Variants in CSMD1 observed in about 807,000 individuals in gnomAD.
The protein encoded by CSMD1 is CUB and sushi domain-containing protein 1.
A neutral mutation model predicts 417.5 loss-of-function variants in CSMD1; 213 were observed. The ratio of observed to expected loss-of-function variants is 0.51; its 90% CI spans 0.46 to 0.57. The LOEUF (loss-of-function observed/expected upper bound fraction) is 0.57. CSMD1 is among the 20% of genes least tolerant of loss of function. The pLI, the probability that CSMD1 is intolerant of heterozygous loss-of-function variation, is 0.00. For missense variants in CSMD1, 6,923 were observed against 4,529.7 expected, an observed-to-expected ratio of 1.53 and a Z score of -15.17; for synonymous variants, 2,862 against 1,736.8, an observed-to-expected ratio of 1.65 and a Z score of -16.11.
intron 3 of CSMD1, among the ~76,000 whole-genome samples, chr8:4,071,393 C>G (rs914031191): frequency 2.1e-5 from 3 of 139,962 alleles, no homozygotes; most frequent in East Asian, 2.1e-4. Context: ...CCAAGTAAAC[C>G]TACTTTAAAA....
At chr8:3,758,598 G>A (rs780086590) in intron 5 of CSMD1, among the ~76,000 whole-genome samples, 1 of 152,130 alleles carries the variant, frequency 6.6e-6, no homozygotes. Context: ...GTAATTTAAA[G>A]GAAGATGATT....
chr8:3,664,004 G>GAAGATTTAA (rs1798553473), intron 7 of CSMD1, among the ~76,000 whole-genome samples: 1 of 152,170 alleles, frequency 6.6e-6, no homozygotes, highest in African/African-American at 2.4e-5. Flanking sequence ...GCCATTGGAT[G>GAAGATTTAA]GCTTGAGTTA....
chr8:4,915,710 A>T lies in CSMD1; in HGVS notation c.85+78622T>A, dbSNP rs542877927. Among the ~76,000 whole-genome samples, 4 of 152,326 alleles carry T rather than the reference A, an allele frequency of 2.6e-5. 1 individual carries two copies. The highest frequency in any genetic ancestry group is 9.6e-5 in the African/African-American group (4 of 41,576). On this transcript the variant is annotated intron_variant, in intron 1 of 69. Transcript: ENST00000635120. ...GGATTTCGGGAGAGGGTCACGCCCT[A>T]AACATTATGTCCGGGTTTGGAGACA... is the stretch of plus-strand genomic sequence containing the variant.
At chr8:3,141,888 C>T (rs992409676) in intron 41 of CSMD1, among the ~76,000 whole-genome samples, 2 of 151,616 alleles carry the variant, frequency 1.3e-5, no homozygotes, top group South Asian at 2.1e-4. Context: ...AGCTCCGCCT[C>T]CCGGGTTCAC....
At chr8:3,627,068 T>C (rs1319733025) in intron 7 of CSMD1, among the ~76,000 whole-genome samples, 4 of 152,158 alleles carry the variant, frequency 2.6e-5, no homozygotes, top group Admixed American at 6.5e-5. Context: ...AATTATCTGG[T>C]TGAGAATTGC....
At chr8:4,536,900 G>A (rs1171461745) in intron 2 of CSMD1, among the ~76,000 whole-genome samples, 3 of 152,104 alleles carry the variant, frequency 2.0e-5, no homozygotes, top group Non-Finnish European at 4.4e-5. Flanking sequence ...AGACTCTCAG[G>A]GAGAAATTGT....
At chr8:4,276,844 T>C (rs1796515899) in intron 3 of CSMD1, among the ~76,000 whole-genome samples, 1 of 152,186 alleles carries the variant, frequency 6.6e-6, no homozygotes, top group African/African-American at 2.4e-5. Flanking sequence ...ACAATAAATG[T>C]TCAATTTCCT....
chr8:4,347,387 C>T (rs765071054), intron 3 of CSMD1, among the ~76,000 whole-genome samples: 4 of 152,100 alleles, frequency 2.6e-5, no homozygotes, highest in African/African-American at 9.7e-5. Flanking sequence ...CTTGGGACAT[C>T]TAAGACATTA....
At chr8:3,964,034 A>G (rs898543933) in intron 5 of CSMD1, among the ~76,000 whole-genome samples, 1 of 152,262 alleles carries the variant, frequency 6.6e-6, no homozygotes, top group South Asian at 2.1e-4. Context: ...TGCTTTGCAT[A>G]AATTACTTTC....
intron 1 of CSMD1, among the ~76,000 whole-genome samples, chr8:4,990,543 T>A (rs1811407917): frequency 6.6e-6 from 1 of 152,126 alleles, no homozygotes; most frequent in South Asian, 2.1e-4. Flanking sequence ...TCGTATTTTT[T>A]TTGTAGAGAT....
chr8:3,402,938 G>T lies in CSMD1; in HGVS notation c.2266+3089C>A, dbSNP rs544512844. Among the ~76,000 whole-genome samples, 4 of 152,130 alleles carry T rather than the reference G, an allele frequency of 2.6e-5. No individual in the cohort carries two copies. The East Asian group carries it at 5.8e-4, about 22-fold the overall frequency. On this transcript the variant is annotated intron_variant, in intron 15 of 69. Coordinates refer to ENST00000635120, the MANE Select transcript of CSMD1 (RefSeq NM_033225.6). ...ACATTTTCCTTGAAACACAGGTTTT[G>T]CTGTCTCACATTGTTTCTCATAGAA...
chr8:4,129,656 G>A (rs898032842), intron 3 of CSMD1, among the ~76,000 whole-genome samples: 2 of 151,882 alleles, frequency 1.3e-5, no homozygotes, highest in Non-Finnish European at 2.9e-5. Context: ...ATTCTCTTTT[G>A]TCCCAATGTT....
chr8:4,977,807 G>A (rs187633543), intron 1 of CSMD1, among the ~76,000 whole-genome samples: 208 of 152,326 alleles, frequency 1.4e-3, no homozygotes, highest in Non-Finnish European at 2.5e-3. Flanking sequence ...ATACTGCAGC[G>A]CTTTTACTGA....
intron 8 of CSMD1, among the ~76,000 whole-genome samples, chr8:3,592,910 A>G (rs1409359122): frequency 6.6e-6 from 1 of 152,036 alleles, no homozygotes; most frequent in African/African-American, 2.4e-5. Context: ...AATAAAGTCA[A>G]AGCCCACAGT....
chr8:4,139,159 C>T (rs1803622462), intron 3 of CSMD1, among the ~76,000 whole-genome samples: 1 of 152,162 alleles, frequency 6.6e-6, no homozygotes, highest in African/African-American at 2.4e-5. Context: ...GGTTTTATCA[C>T]ATGAAACCCT....
intron 2 of CSMD1, among the ~76,000 whole-genome samples, chr8:4,611,627 A>G (rs1801178222): frequency 6.6e-6 from 1 of 152,128 alleles, no homozygotes; most frequent in Admixed American, 6.5e-5. Flanking sequence ...AACCTCCTAT[A>G]AATGTAAGTC....
At chr8:4,347,482 T>G (rs1035346968) in intron 3 of CSMD1, among the ~76,000 whole-genome samples, 2 of 152,136 alleles carry the variant, frequency 1.3e-5, no homozygotes, top group African/African-American at 4.8e-5. Flanking sequence ...AGAAGGAAAT[T>G]GCAAGACTAA....
At chr8:4,158,100 T>C (rs1796938688) in intron 3 of CSMD1, among the ~76,000 whole-genome samples, 1 of 151,932 alleles carries the variant, frequency 6.6e-6, no homozygotes, top group African/African-American at 2.4e-5. Flanking sequence ...TTTTTTTTTT[T>C]TTTCTGTTTG....
At chr8:4,490,974 C>G (rs1801668697) in intron 2 of CSMD1, among the ~76,000 whole-genome samples, 2 of 152,132 alleles carry the variant, frequency 1.3e-5, no homozygotes, top group African/African-American at 4.8e-5. Flanking sequence ...ATGTGAACCA[C>G]AGGGAGGAGT....
Sources: allele counts gnomAD v4.1 joint callset (sites outside exome capture counted in the v4.1 genomes callset), GRCh38; gene constraint gnomAD v4.1.1; transcripts MANE v1.5; gene names NCBI Gene and HGNC (gene_info 2026-07-23, HGNC 2026-07-21).